The following FGF14 variants were observed in gnomAD, a reference collection of about 807,000 sequenced individuals.
FGF14 encodes the protein fibroblast growth factor 14.
FGF14 carries 5 observed loss-of-function variants against 25.5 expected under a neutral mutation model. The observed-to-expected ratio is 0.20, with a 90% CI of 0.10 to 0.41. FGF14 has a LOEUF of 0.41. Among genes scored for constraint, FGF14 ranks in the 10% least tolerant of loss-of-function variants. The pLI, the probability that FGF14 is intolerant of heterozygous loss-of-function variation, is 1.00. For missense variants in FGF14, 222 were observed against 320.1 expected (o/e 0.69, Z 2.34); for synonymous variants, 138 against 118.3 (o/e 1.17, Z -1.08).
chr13:101,734,036 ATG>A (rs891087345), intron 3 of FGF14, among the ~76,000 whole-genome samples: 4 of 150,850 alleles, frequency 2.7e-5, no homozygotes, highest in East Asian at 1.9e-4. Flanking sequence ...GTGTGTGTGC[ATG>A]TGTGTGTGTG....
At chr13:101,745,438 C>A (rs1365158459) in intron 3 of FGF14, among the ~76,000 whole-genome samples, 1 of 152,066 alleles carries the variant, frequency 6.6e-6, no homozygotes, top group Non-Finnish European at 1.5e-5. Context: ...TGTATAAAGT[C>A]ACGCATTACT....
At chr13:102,079,785 G>A (rs2043531303) in intron 1 of FGF14, among the ~76,000 whole-genome samples, 1 of 152,166 alleles carries the variant, frequency 6.6e-6, no homozygotes, top group African/African-American at 2.4e-5. Context: ...CATATATTAA[G>A]TCTGATGGTG....
chr13:102,391,361 C>G (rs545352674), intron 1 of FGF14, among the ~76,000 whole-genome samples: 2 of 152,126 alleles, frequency 1.3e-5, no homozygotes, highest in East Asian at 3.9e-4. Flanking sequence ...AGTTAGTATC[C>G]CCCATACAGA....
chr13:102,333,063 T>C (rs2056681553), intron 1 of FGF14, among the ~76,000 whole-genome samples: 1 of 152,204 alleles, frequency 6.6e-6, no homozygotes, highest in Admixed American at 6.6e-5. Flanking sequence ...ATTCTATGTG[T>C]TAAGCTATGT....
chr13:102,197,716 C>T (rs532971572), intron 1 of FGF14, among the ~76,000 whole-genome samples: 15 of 151,798 alleles, frequency 9.9e-5, no homozygotes, highest in Non-Finnish European at 2.1e-4. Flanking sequence ...GCATAACACA[C>T]GTATAGATAT....
chr13:101,819,973 TTCTCA>T (rs2042031757), intron 3 of FGF14, among the ~76,000 whole-genome samples: 2 of 152,216 alleles, frequency 1.3e-5, no homozygotes, highest in Admixed American at 1.3e-4. Flanking sequence ...CTCATCATTT[TTCTCA>T]TCTAAGATCC....
chr13:101,914,827 C>T (rs1035406658), intron 1 of FGF14, among the ~76,000 whole-genome samples: 2 of 151,942 alleles, frequency 1.3e-5, no homozygotes, highest in African/African-American at 4.8e-5. Context: ...CAATTTGGAG[C>T]TGTATGTGGT....
intron 1 of FGF14, among the ~76,000 whole-genome samples, chr13:102,157,887 A>G (rs536944213): frequency 5.9e-5 from 9 of 152,368 alleles, no homozygotes; most frequent in African/African-American, 2.2e-4. Flanking sequence ...TCTCCAAAGA[A>G]GACATTTATG....
intron 1 of FGF14, among the ~76,000 whole-genome samples, chr13:101,983,290 A>G (rs1305332626): frequency 6.6e-6 from 1 of 152,216 alleles, no homozygotes; most frequent in Non-Finnish European, 1.5e-5. Context: ...GCTTAATTCT[A>G]TATTTTATAT....
chr13:102,321,018 C>T (rs950152790), intron 1 of FGF14, among the ~76,000 whole-genome samples: 1 of 152,076 alleles, frequency 6.6e-6, no homozygotes, highest in Non-Finnish European at 1.5e-5. Context: ...ACAGTTCATA[C>T]GTAGAAAAGT....
Position 102,047,678 on chromosome 13 carries a change from G to A in FGF14, c.209-172382C>T, listed in dbSNP as rs1025257097. Among the ~76,000 whole-genome samples, 5 of 152,068 alleles carry A rather than the reference G, an allele frequency of 3.3e-5. 1 individual carries two copies. Among genetic ancestry groups the A allele is most frequent in the Non-Finnish European group, 4.4e-5 (3 of 68,012 alleles). On this transcript the variant is annotated intron_variant, in intron 1 of 4. Transcript: ENST00000376131. Reference sequence around the variant, plus strand: ...GGAACATCACACACCGGGGCCTGTTGTGGGGTGGTGGGAAGGGGGAGGGAT... The same window carrying A: ...GGAACATCACACACCGGGGCCTGTTATGGGGTGGTGGGAAGGGGGAGGGAT...
chr13:102,188,200 T>C (rs193158512), intron 1 of FGF14, among the ~76,000 whole-genome samples: 4 of 152,122 alleles, frequency 2.6e-5, no homozygotes, highest in Non-Finnish European at 5.9e-5. Context: ...TTGGGGTCAG[T>C]GAGATATTAG....
intron 1 of FGF14, among the ~76,000 whole-genome samples, chr13:102,236,737 G>A (rs1183936683): frequency 2.0e-5 from 3 of 152,186 alleles, no homozygotes; most frequent in Non-Finnish European, 2.9e-5. Context: ...ACAAGTAAGC[G>A]TGTTTTCTTG....
chr13:101,738,248 G>T (rs1259134869), intron 3 of FGF14, among the ~76,000 whole-genome samples: 1 of 152,066 alleles, frequency 6.6e-6, no homozygotes, highest in Non-Finnish European at 1.5e-5. Flanking sequence ...CTGCTATTTA[G>T]TAAATATTTA....
chr13:101,763,827 T>A (rs957670236), intron 3 of FGF14, among the ~76,000 whole-genome samples: 2 of 152,066 alleles, frequency 1.3e-5, no homozygotes, highest in South Asian at 4.2e-4. Context: ...ACCACTGCAC[T>A]CCAGCCTGGG....
chr13:101,960,066 G>A (rs1488424565), intron 1 of FGF14, among the ~76,000 whole-genome samples: 1 of 152,132 alleles, frequency 6.6e-6, no homozygotes, highest in Non-Finnish European at 1.5e-5. Flanking sequence ...CAAACTGTTT[G>A]TTGACTAACA....
intron 1 of FGF14, among the ~76,000 whole-genome samples, chr13:102,342,148 G>A (rs1197655661): frequency 6.6e-6 from 1 of 152,178 alleles, no homozygotes; most frequent in Non-Finnish European, 1.5e-5. Flanking sequence ...AGGGAGTTAT[G>A]TGTCTCAATC....
intron 1 of FGF14, among the ~76,000 whole-genome samples, chr13:101,900,800 T>C (rs2031445944): frequency 6.6e-6 from 1 of 152,196 alleles, no homozygotes; most frequent in Non-Finnish European, 1.5e-5. Flanking sequence ...TGTGTATGAT[T>C]TGTGGACTTC....
At chr13:101,786,299 CTT>C (rs1238511185) in intron 3 of FGF14, among the ~76,000 whole-genome samples, 1 of 152,156 alleles carries the variant, frequency 6.6e-6, no homozygotes, top group Admixed American at 6.5e-5. Context: ...TAGGGAAAGA[CTT>C]AATTATTTGC....
Sources: allele counts gnomAD v4.1 joint callset (sites outside exome capture counted in the v4.1 genomes callset), GRCh38; gene constraint gnomAD v4.1.1; transcripts MANE v1.5; gene names NCBI Gene and HGNC (gene_info 2026-07-23, HGNC 2026-07-21).